TASP1: variants seen among roughly 807,000 people sequenced by gnomAD.
The protein encoded by TASP1 is threonine aspartase 1.
TASP1 carries 16 observed loss-of-function variants against 56.6 expected under a neutral mutation model. The observed-to-expected ratio is 0.28, with a 90% CI of 0.19 to 0.43. TASP1 has a LOEUF of 0.43. TASP1 is among the 20% of genes least tolerant of loss of function. The probability of loss-of-function intolerance (pLI) is 1.00; values close to 1 mark genes in which losing one functional copy is unlikely to be tolerated. For synonymous variants in TASP1, 179 were observed against 184.2 expected, an observed-to-expected ratio of 0.97 and a Z score of 0.23; for missense variants, 393 against 511.6, an observed-to-expected ratio of 0.77 and a Z score of 2.24.
the TASP1 span, among the ~76,000 whole-genome samples, chr20:13,377,457 C>T: frequency 5.9e-5 from 9 of 152,206 alleles, no homozygotes; most frequent in Admixed American, 1.3e-4. Context: ...TTTTGATATG[C>T]TGCTGGATTC....
At chr20:13,198,362 T>C in the TASP1 span, among the ~76,000 whole-genome samples, 1 of 152,274 alleles carries the variant, frequency 6.6e-6, no homozygotes, top group South Asian at 2.1e-4. Flanking sequence ...TCTCGTTGTA[T>C]CCCAACATGG....
the TASP1 span, among the ~76,000 whole-genome samples, chr20:13,200,746 T>C: frequency 6.6e-6 from 1 of 151,974 alleles, no homozygotes; most frequent in Non-Finnish European, 1.5e-5. Context: ...ACATTGGAGG[T>C]AAATTTCCAC....
intron 8 of TASP1, among the ~76,000 whole-genome samples, chr20:13,551,320 A>T (rs911284917): frequency 2.6e-5 from 4 of 152,212 alleles, no homozygotes; most frequent in Non-Finnish European, 5.9e-5. Context: ...CTTTACCTAA[A>T]CACCAATGAA....
the TASP1 span, among the ~76,000 whole-genome samples, chr20:13,287,974 G>A: frequency 6.6e-6 from 1 of 152,202 alleles, no homozygotes; most frequent in African/African-American, 2.4e-5. Context: ...TAGAAGGCTT[G>A]AGAAGGCTTT....
chr20:13,454,907 A>T (rs2043770651), intron 11 of TASP1, among the ~76,000 whole-genome samples: 1 of 152,040 alleles, frequency 6.6e-6, no homozygotes, highest in Non-Finnish European at 1.5e-5. Context: ...ATTTTTTACT[A>T]AATAAAGCCC....
At chr20:13,607,722 G>A (rs1013829836) in intron 4 of TASP1, among the ~76,000 whole-genome samples, 1 of 152,148 alleles carries the variant, frequency 6.6e-6, no homozygotes, top group Non-Finnish European at 1.5e-5. Context: ...TATAACTCTT[G>A]TTGAAAATTG....
rs559939864 is a variant in TASP1 at position 13,540,643 on chromosome 20, T to C, written c.676-6502A>G. ...AAAAGAAGCTGGACACAAAAGAACA[T>C]ATAGACTCCATTTTAACGAACAAGT... On this transcript the variant is annotated intron_variant, in intron 8 of 13. Transcript: ENST00000337743. Among the ~76,000 whole-genome samples the C allele has an allele frequency of 2.0e-5, 3 of 152,224 alleles. No individual in the cohort carries two copies. The South Asian group carries it at 6.2e-4, about 32-fold the overall frequency.
At chr20:13,357,839 C>A in the TASP1 span, among the ~76,000 whole-genome samples, 1 of 152,072 alleles carries the variant, frequency 6.6e-6, no homozygotes, top group Non-Finnish European at 1.5e-5. Context: ...AACATGGATG[C>A]ATCTCACAAA....
At chr20:13,314,920 A>C in the TASP1 span, among the ~76,000 whole-genome samples, 2 of 152,126 alleles carry the variant, frequency 1.3e-5, no homozygotes, top group Non-Finnish European at 2.9e-5. Context: ...GAATTATTAT[A>C]AGGTTCTCAC....
chr20:13,613,940 T>A (rs2048436816), intron 4 of TASP1, among the ~76,000 whole-genome samples: 1 of 152,142 alleles, frequency 6.6e-6, no homozygotes. Flanking sequence ...AACTTTCCAT[T>A]TTTGTTCTGT....
At chr20:13,528,565 T>C (rs2045083974) in intron 9 of TASP1, 54 bp from the exon 10 acceptor site, 14 of 1,471,310 alleles carry the variant, frequency 9.5e-6, no homozygotes, top group Middle Eastern at 3.8e-4. Context: ...ATGTAATTAT[T>C]AGTTTTCAAC....
chr20:13,545,793 G>A (rs1489880598), intron 8 of TASP1, among the ~76,000 whole-genome samples: 1 of 152,130 alleles, frequency 6.6e-6, no homozygotes, highest in Non-Finnish European at 1.5e-5. Flanking sequence ...CCACTGTCCT[G>A]CAGAAAACCT....
intron 13 of TASP1, among the ~76,000 whole-genome samples, chr20:13,416,963 CAG>C (rs1369446538): frequency 6.6e-6 from 1 of 152,178 alleles, no homozygotes; most frequent in Admixed American, 6.5e-5. Context: ...CAGGGCATGA[CAG>C]AACACACTGA....
chr20:13,575,503 G>A (rs1272085190), intron 6 of TASP1, among the ~76,000 whole-genome samples: 3 of 152,194 alleles, frequency 2.0e-5, no homozygotes, highest in Non-Finnish European at 4.4e-5. Context: ...ATCATGTAAT[G>A]TAAGAGGGAC....
the TASP1 span, among the ~76,000 whole-genome samples, chr20:13,380,922 T>TC: frequency 2.0e-5 from 3 of 151,958 alleles, no homozygotes; most frequent in Non-Finnish European, 4.4e-5. Flanking sequence ...CGGACGCCCC[T>TC]CCCCCCTCCA....
chr20:13,439,615 C>T (rs1183131735), intron 11 of TASP1, among the ~76,000 whole-genome samples: 3 of 151,930 alleles, frequency 2.0e-5, no homozygotes, highest in African/African-American at 7.3e-5. Flanking sequence ...ATGTAACTAA[C>T]CTGCATGTTG....
intron 9 of TASP1, among the ~76,000 whole-genome samples, chr20:13,530,468 C>G (rs2045179732): frequency 6.6e-6 from 1 of 152,138 alleles, no homozygotes; most frequent in African/African-American, 2.4e-5. Context: ...ACTGGTACTC[C>G]CTGAAGCAAG....
the TASP1 span, among the ~76,000 whole-genome samples, chr20:13,271,313 A>C: frequency 6.6e-6 from 1 of 152,226 alleles, no homozygotes; most frequent in Non-Finnish European, 1.5e-5. Flanking sequence ...TGAGAACAGG[A>C]GTTCCTAGGA....
At chr20:13,129,364 A>G in the TASP1 span, among the ~76,000 whole-genome samples, 1 of 152,170 alleles carries the variant, frequency 6.6e-6, no homozygotes, top group Non-Finnish European at 1.5e-5. Flanking sequence ...TTTCCTCCAC[A>G]AGCTTTCTGC....
Sources: gnomAD v4.1 joint callset for allele counts (sites outside exome capture counted in the v4.1 genomes callset) on GRCh38, gnomAD v4.1.1 for gene constraint, MANE v1.5 for transcripts, NCBI Gene and HGNC (gene_info 2026-07-23, HGNC 2026-07-21) for gene names.